Variants in KLF8 observed in about 807,000 individuals in gnomAD.
KLF8 encodes the protein KLF transcription factor 8, also known as Krueppel-like factor 8.
In KLF8, 10 loss-of-function variants were observed where a neutral mutation model predicts 18.2. The ratio of observed to expected loss-of-function variants is 0.55; its 90% CI spans 0.34 to 0.93. KLF8 has a LOEUF of 0.93. KLF8 is among the 40% of genes least tolerant of loss of function. The pLI is 0.02. For missense variants in KLF8, 264 were observed against 277.9 expected (o/e 0.95, Z 0.36); for synonymous variants, 109 against 97.3 (o/e 1.12, Z -0.71).
At chrX:56,155,972 C>A in the KLF8 span, among the ~76,000 whole-genome samples, 1 of 111,772 alleles carries the variant, frequency 8.9e-6, no homozygotes, top group Admixed American at 9.6e-5. Context: ...ATCCGTGTTG[C>A]TATAAAGAAC....
intron 2 of KLF8, among the ~76,000 whole-genome samples, chrX:56,251,712 C>T (rs1037413263): frequency 2.7e-5 from 3 of 110,797 alleles, no homozygotes; most frequent in African/African-American, 9.8e-5. Flanking sequence ...CCGCCCACCT[C>T]GGCCTCCCAA....
At chrX:56,044,727 C>A in the KLF8 span, among the ~76,000 whole-genome samples, 1 of 111,950 alleles carries the variant, frequency 8.9e-6, no homozygotes. Flanking sequence ...GAAGTCAGAC[C>A]CATCTCAGGT....
chrX:56,079,882 G>C, the KLF8 span, among the ~76,000 whole-genome samples: 1 of 111,415 alleles, frequency 9.0e-6, no homozygotes, highest in Non-Finnish European at 1.9e-5. Context: ...TTGTTGAATT[G>C]ATCTCTTTAC....
At chrX:56,197,550 T>A in the KLF8 span, among the ~76,000 whole-genome samples, 3 of 111,596 alleles carry the variant, frequency 2.7e-5, no homozygotes, top group Admixed American at 2.8e-4. Flanking sequence ...AGAAGTTGAA[T>A]CCCTGAATAG....
chrX:56,004,443 C>G, the KLF8 span, among the ~76,000 whole-genome samples: 1 of 111,644 alleles, frequency 9.0e-6, no homozygotes, highest in East Asian at 2.8e-4. Context: ...GTGTATTACC[C>G]TAGGTATAAT....
the KLF8 span, among the ~76,000 whole-genome samples, chrX:55,923,223 G>T: frequency 4.8e-5 from 5 of 104,008 alleles, no homozygotes; most frequent in Non-Finnish European, 9.7e-5. Context: ...AGTTAACACA[G>T]AAAAAGAAAA....
the KLF8 span, among the ~76,000 whole-genome samples, chrX:56,211,710 T>C: frequency 8.9e-6 from 1 of 111,986 alleles, no homozygotes; most frequent in East Asian, 2.8e-4. Flanking sequence ...TTGTGTTCTT[T>C]TGGTTTCCGG....
the KLF8 span, among the ~76,000 whole-genome samples, chrX:55,987,571 G>T: frequency 8.9e-6 from 1 of 112,066 alleles, no homozygotes; most frequent in African/African-American, 3.2e-5. Context: ...TGGTGTATAT[G>T]TGCCACATTT....
chrX:56,065,921 C>T, the KLF8 span, among the ~76,000 whole-genome samples: 1 of 111,684 alleles, frequency 9.0e-6, no homozygotes, highest in Non-Finnish European at 1.9e-5. Context: ...CTTCAGGCTT[C>T]CAATGTGGCA....
At chrX:55,943,090 A>G in the KLF8 span, among the ~76,000 whole-genome samples, 1 of 110,868 alleles carries the variant, frequency 9.0e-6, no homozygotes, top group Non-Finnish European at 1.9e-5. Context: ...TACAGCGGCG[A>G]GGGAATGAAA....
chrX:56,084,764 G>A, the KLF8 span, among the ~76,000 whole-genome samples: 1 of 112,325 alleles, frequency 8.9e-6, no homozygotes, highest in Non-Finnish European at 1.9e-5. Flanking sequence ...TATTGTGCCA[G>A]TTAGAGAGAA....
chrX:56,034,912 C>T, the KLF8 span, among the ~76,000 whole-genome samples: 12 of 106,149 alleles, frequency 1.1e-4, no homozygotes, highest in East Asian at 2.9e-4. Context: ...CCCGCTACCA[C>T]GCCCGGCTAA....
At chrX:56,277,187 A>G (rs951535090) in intron 5 of KLF8, among the ~76,000 whole-genome samples, 8 of 111,611 alleles carry the variant, frequency 7.2e-5, no homozygotes, top group Non-Finnish European at 1.5e-4. Context: ...TGGTTTGGTC[A>G]TGTTTTCCTG....
chrX:55,988,967 A>G, the KLF8 span, among the ~76,000 whole-genome samples: 5 of 111,482 alleles, frequency 4.5e-5, no homozygotes, highest in Non-Finnish European at 7.5e-5. Flanking sequence ...TGAAGCAATG[A>G]TGAATGGGAG....
the KLF8 span, among the ~76,000 whole-genome samples, chrX:55,953,193 G>T: frequency 2.7e-5 from 3 of 111,391 alleles, no homozygotes; most frequent in African/African-American, 9.8e-5. Flanking sequence ...ACATTCTCGA[G>T]GAGTATATAG....
the KLF8 span, among the ~76,000 whole-genome samples, chrX:55,941,170 A>T: frequency 1.8e-5 from 2 of 112,044 alleles, no homozygotes; most frequent in African/African-American, 6.5e-5. Context: ...ACCAAAACAG[A>T]GATATAAACC....
the KLF8 span, among the ~76,000 whole-genome samples, chrX:55,929,623 G>T: frequency 0.085 from 9,433 of 111,235 alleles, 978 homozygotes; most frequent in African/African-American, 0.3. Context: ...ATTAAACAGG[G>T]AATCCTATCC....
chrX:56,285,766 A>G lies in KLF8; in HGVS notation c.*1272A>G, dbSNP rs754257118. ...CTGCCCAATCAGATTGTTTTATAAT[A>G]TTACCTGGGGTACAAAATCCTCTGT... On this transcript the variant is annotated 3_prime_UTR_variant, in exon 6 of 6. Coordinates refer to ENST00000468660, the MANE Select transcript of KLF8 (RefSeq NM_007250.5). 1.4e-4 allele frequency: 16 copies of G among 111,506 alleles called. No homozygotes were observed. Among genetic ancestry groups the G allele is most frequent in the Middle Eastern group, 4.2e-3 (1 of 239 alleles). The allele number at this position is 111,506 out of a possible 1,213,427, so 9.2% of individuals were successfully genotyped here.
the KLF8 span, among the ~76,000 whole-genome samples, chrX:56,079,269 G>A: frequency 9.0e-6 from 1 of 111,176 alleles, no homozygotes; most frequent in Non-Finnish European, 1.9e-5. Flanking sequence ...TGCTTCTCTT[G>A]TGGGCATTTA....
Sources: allele counts gnomAD v4.1 joint callset (sites outside exome capture counted in the v4.1 genomes callset), GRCh38; gene constraint gnomAD v4.1.1; transcripts MANE v1.5; gene names NCBI Gene and HGNC (gene_info 2026-07-23, HGNC 2026-07-21).